Variants in SEL1L observed in about 807,000 individuals in gnomAD.
The protein encoded by SEL1L is protein sel-1 homolog 1.
In SEL1L, 52 loss-of-function variants were observed where a neutral mutation model predicts 109.8. The observed-to-expected ratio is 0.47, with a 90% CI of 0.38 to 0.60. The LOEUF (loss-of-function observed/expected upper bound fraction) is 0.60, where lower values mean the gene tolerates loss of function less well. SEL1L is among the 20% of genes least tolerant of loss of function. The pLI is 0.00. For synonymous variants in SEL1L, 373 were observed against 339.6 expected (o/e 1.10, Z -1.08); for missense variants, 749 against 962.2 (o/e 0.78, Z 2.93).
intron 3 of SEL1L, among the ~76,000 whole-genome samples, chr14:81,511,081 A>G (rs1784361244): frequency 6.6e-6 from 1 of 152,250 alleles, no homozygotes; most frequent in African/African-American, 2.4e-5. Flanking sequence ...TACCAATGGT[A>G]TGTAATTTGC....
At chr14:81,501,581 G>A (rs1884008680) in intron 6 of SEL1L, among the ~76,000 whole-genome samples, 1 of 152,098 alleles carries the variant, frequency 6.6e-6, no homozygotes, top group South Asian at 2.1e-4. Context: ...GAAAACAACT[G>A]TTATGACTCC....
chr14:81,508,246 A>G (rs569930777), intron 3 of SEL1L, among the ~76,000 whole-genome samples: 194 of 152,328 alleles, frequency 1.3e-3, no homozygotes, highest in Admixed American at 4.1e-3. Flanking sequence ...ACACCAGGTA[A>G]ATGTCACTCA....
chr14:81,496,303 G>A (rs776266268), intron 10 of SEL1L, among the ~76,000 whole-genome samples: 60 of 152,028 alleles, frequency 3.9e-4, no homozygotes, highest in Non-Finnish European at 7.8e-4. Flanking sequence ...CAGCCTGGGC[G>A]AGAGCGAGAC....
At chr14:81,481,211 G>T (rs1163452040) in intron 19 of SEL1L, among the ~76,000 whole-genome samples, 1 of 152,034 alleles carries the variant, frequency 6.6e-6, no homozygotes, top group Non-Finnish European at 1.5e-5. Flanking sequence ...TGGGATGGTG[G>T]GAATTTTCAC....
chr14:81,522,100 G>A (rs1289329927), intron 3 of SEL1L, among the ~76,000 whole-genome samples: 1 of 151,864 alleles, frequency 6.6e-6, no homozygotes, highest in African/African-American at 2.4e-5. Flanking sequence ...GCTCTACAAT[G>A]TGTTTGTATT....
chr14:81,511,124 C>T (rs949336241), intron 3 of SEL1L, among the ~76,000 whole-genome samples: 1 of 152,152 alleles, frequency 6.6e-6, no homozygotes, highest in South Asian at 2.1e-4. Flanking sequence ...TTGAAAACTG[C>T]TAAATAAGGT....
At chr14:81,508,808 A>G (rs1389777358) in intron 3 of SEL1L, among the ~76,000 whole-genome samples, 1 of 152,232 alleles carries the variant, frequency 6.6e-6, no homozygotes, top group Non-Finnish European at 1.5e-5. Flanking sequence ...TGTCTTAAAA[A>G]CAAATAACTT....
intron 16 of SEL1L, among the ~76,000 whole-genome samples, chr14:81,487,030 C>T (rs1903543071): frequency 2.0e-5 from 3 of 150,250 alleles, no homozygotes; most frequent in Non-Finnish European, 1.5e-5. Flanking sequence ...GTCTCAAACT[C>T]CTGGGCTCAA....
chr14:81,514,987 G>A (rs1322370291), intron 3 of SEL1L, among the ~76,000 whole-genome samples: 2 of 152,136 alleles, frequency 1.3e-5, no homozygotes, highest in African/African-American at 4.8e-5. Flanking sequence ...TTCATTGAAG[G>A]AGAATCCACA....
chr14:81,525,523 G>A (rs1316354482), intron 3 of SEL1L, among the ~76,000 whole-genome samples: 1 of 150,306 alleles, frequency 6.7e-6, no homozygotes, highest in Non-Finnish European at 1.5e-5. Flanking sequence ...GAGGTACAGG[G>A]AAAGAGGTAT....
In SEL1L at chr14:81,504,225, C is replaced by T. The variant is rs1438283431; in HGVS notation, c.590G>A (p.Ser197Asn). ...CTCTCTTTTTTGGCTTTTCTTATTG[C>T]TTCCATTAAGGATTTTCATTCCAGT... is the stretch of plus-strand genomic sequence containing the variant. ...YQTGMKILNG[S>N]NKKSQKREAY... Residue 197 changes from serine (S) to asparagine (N), a missense_variant, in exon 5 of 21, where the codon AGC (serine) becomes AAC (asparagine). By Grantham distance (46) the Ser-to-Asn change is conservative (BLOSUM62 1). Around this residue, in one of 2 missense-constraint regions of SEL1L, gnomAD observed 366 missense variants for 399.8 expected, o/e 0.92. Coordinates refer to ENST00000336735, the MANE Select transcript of SEL1L (RefSeq NM_005065.6). 6.3e-7 allele frequency: 1 copy of T among 1,594,750 alleles called. No individual in the cohort carries two copies. The highest frequency in any genetic ancestry group is 1.4e-5 in the African/African-American group (1 of 73,896).
Position 81,475,657 on chromosome 14 carries a change from T to C in SEL1L, c.*1315A>G, listed in dbSNP as rs1448344675. On this transcript the variant is annotated 3_prime_UTR_variant, in exon 21 of 21. Transcript: ENST00000336735. Reference sequence around the variant, plus strand: ...TCTGACAATAAAATGAAATACAAATTCAGTTTAAGCTTTAATTATTTCACG... The same window carrying C: ...TCTGACAATAAAATGAAATACAAATCCAGTTTAAGCTTTAATTATTTCACG... The C allele has an allele frequency of 6.6e-6, 1 of 152,170 alleles. No homozygotes were observed. Among genetic ancestry groups the C allele is most frequent in the Non-Finnish European group, 1.5e-5 (1 of 68,034 alleles). The allele number at this position is 152,170 out of a possible 1,614,324, so 9.4% of individuals were successfully genotyped here. A position where few individuals can be genotyped will look rare whatever the true frequency, so the allele number is the denominator to read the frequency against.
chr14:81,479,895 A>C (rs1205769932), intron 19 of SEL1L, among the ~76,000 whole-genome samples, 155 bp from the exon 20 acceptor site: 1 of 152,172 alleles, frequency 6.6e-6, no homozygotes, highest in Non-Finnish European at 1.5e-5. Flanking sequence ...ACTTGGGTAA[A>C]ATTCGTTTAA....
At chr14:81,520,461 T>C (rs9323706) in intron 3 of SEL1L, among the ~76,000 whole-genome samples, 3,817 of 152,278 alleles carry the variant, frequency 0.025, 154 homozygotes, top group African/African-American at 0.087. Flanking sequence ...ATATGCATAT[T>C]TATTATGATA....
intron 11 of SEL1L, among the ~76,000 whole-genome samples, chr14:81,493,861 A>G (rs1883638736): frequency 6.6e-6 from 1 of 152,208 alleles, no homozygotes; most frequent in Admixed American, 6.5e-5. Flanking sequence ...TTGGCTAACA[A>G]GATGTCACAC....
rs144671112 is a variant in SEL1L at position 81,514,635 on chromosome 14, C to T, written c.341-8394G>A. 6.9e-3 allele frequency among the ~76,000 whole-genome samples: 1,047 copies of T among 152,178 alleles called. 18 individuals carry two copies. The highest frequency in any genetic ancestry group is 0.03 in the Admixed American group (457 of 15,290). ...GTGTTTCTGCTGCTTTGTCAGTGAG[C>T]GCAACTATTCTGATCCGGAGGGTCC... On this transcript the variant is annotated intron_variant, in intron 3 of 20. Transcript: ENST00000336735.
rs1443797116 is a variant in SEL1L, at chr14:81,490,428, T to C, written c.1292A>G (p.Asn431Ser). 2 of 1,614,062 alleles carry C rather than the reference T, an allele frequency of 1.2e-6. No individual in the cohort carries two copies. Among genetic ancestry groups the C allele is most frequent in the South Asian group, 2.2e-5 (2 of 91,076 alleles). Reference sequence around the variant, plus strand: ...CTTAAAGTAGTGGAGAGCTGTCTCATTACTCTGAGGTACAATGTCACTTCC... The same window carrying C: ...CTTAAAGTAGTGGAGAGCTGTCTCACTACTCTGAGGTACAATGTCACTTCC... ...SEGSDIVPQS[N>S]ETALHYFKKA... is the part of the protein sequence containing the mutation. The change falls in exon 13 of 21, where the codon AAT becomes AGT. Residue 431 changes from asparagine (N) to serine (S), a missense_variant. Physicochemically the swap from Asn to Ser is conservative, Grantham distance 46 (BLOSUM62 1). This residue lies in a region of SEL1L where 383 missense variants were observed against 562.5 expected (regional missense o/e 0.68). Coordinates refer to ENST00000336735, the MANE Select transcript of SEL1L (RefSeq NM_005065.6).
chr14:81,488,482 T>C (rs1012579477), intron 14 of SEL1L, among the ~76,000 whole-genome samples: 7 of 152,154 alleles, frequency 4.6e-5, no homozygotes, highest in Non-Finnish European at 7.4e-5. Flanking sequence ...AGAATACCTA[T>C]AGATATTAAA....
rs1057029195 is a variant in SEL1L, at chr14:81,472,036, G to C, written c.*4936C>G. On this transcript the variant is annotated 3_prime_UTR_variant, in exon 21 of 21. Transcript: ENST00000336735. ...GTGTATCTGCTGTAACTTAATCTAA[G>C]CATACTTCCAAGCTGGTATAACCAA... The C allele has an allele frequency of 6.6e-6, 1 of 152,018 alleles. No homozygotes were observed. Among genetic ancestry groups the C allele is most frequent in the Non-Finnish European group, 1.5e-5 (1 of 68,020 alleles). 9.4% of individuals were successfully genotyped at this position (152,018 alleles called of 1,614,324 possible).
Sources: allele counts gnomAD v4.1 joint callset (sites outside exome capture counted in the v4.1 genomes callset), GRCh38; gene constraint gnomAD v4.1.1; regional missense constraint gnomAD v4.1.1; transcripts MANE v1.5; gene names NCBI Gene and HGNC (gene_info 2026-07-23, HGNC 2026-07-21).